Variants in SIPA1L1 observed in about 807,000 individuals in gnomAD.
SIPA1L1 encodes signal-induced proliferation-associated 1-like protein 1.
A neutral mutation model predicts 162.7 loss-of-function variants in SIPA1L1; 26 were observed. The observed-to-expected ratio is 0.16, with a 90% CI of 0.12 to 0.22. The LOEUF is 0.22. Ranked by LOEUF, SIPA1L1 falls within the 10% of genes least tolerant of loss-of-function variation. SIPA1L1 has a pLI of 1.00. For synonymous variants in SIPA1L1, 829 were observed against 837.4 expected, an observed-to-expected ratio of 0.99 and a Z score of 0.17; for missense variants, 1,874 against 2,241.0, an observed-to-expected ratio of 0.84 and a Z score of 3.31.
At chr14:71,496,250 C>T (rs907989992) in intron 2 of SIPA1L1, among the ~76,000 whole-genome samples, 1 of 152,096 alleles carries the variant, frequency 6.6e-6, no homozygotes, top group African/African-American at 2.4e-5. Flanking sequence ...AGGAGGATCA[C>T]TTGCACCAAG....
chr14:71,534,334 T>C (rs2053703440), intron 4 of SIPA1L1, among the ~76,000 whole-genome samples: 1 of 152,206 alleles, frequency 6.6e-6, no homozygotes, highest in Non-Finnish European at 1.5e-5. Context: ...AGTGGGAATT[T>C]AACAATACTT....
rs111236808 is a variant in SIPA1L1 at position 71,676,783 on chromosome 14, A to G, written c.3104+4161A>G. 1.3e-3 allele frequency among the ~76,000 whole-genome samples: 197 copies of G among 152,034 alleles called. 4 individuals are homozygous for G. The highest frequency in any genetic ancestry group is 4.2e-3 in the African/African-American group (175 of 41,436). On this transcript the variant is annotated intron_variant, in intron 12 of 23. Coordinates refer to ENST00000381232, the MANE Select transcript of SIPA1L1 (RefSeq NM_001386936.1). The stretch of plus-strand genomic sequence containing the variant: ...AGAATGATGGTTTCCAGCATCTTCT[A>G]TGTCCCTACAAAGGACATTAATTCA...
intron 20 of SIPA1L1, among the ~76,000 whole-genome samples, chr14:71,730,634 G>A (rs574868295): frequency 2.0e-5 from 3 of 152,346 alleles, no homozygotes; most frequent in African/African-American, 7.2e-5. Flanking sequence ...AGATTAGTTA[G>A]TTCTTAGAGA....
At chr14:71,476,451 AT>A (rs1046229203) in intron 2 of SIPA1L1, among the ~76,000 whole-genome samples, 50 of 152,344 alleles carry the variant, frequency 3.3e-4, no homozygotes, top group African/African-American at 1.2e-3. Context: ...ATCTCTAAAA[AT>A]ATTTTATAAG....
intron 7 of SIPA1L1, among the ~76,000 whole-genome samples, chr14:71,627,833 T>G (rs1004390514): frequency 6.6e-6 from 1 of 152,244 alleles, no homozygotes; most frequent in African/African-American, 2.4e-5. Flanking sequence ...GATATAAATT[T>G]GCATAATACA....
Position 71,434,605 on chromosome 14 carries a change from G to A in SIPA1L1, c.-464-78138G>A, listed in dbSNP as rs540790602. On this transcript the variant is annotated intron_variant, in intron 2 of 23. Transcript: ENST00000381232. ...TTTGTTTGGTTTTGTTTGAGACAGG[G>A]TCTTGCCTTGTTGCCCAGGCTGGAG... Among the ~76,000 whole-genome samples the A allele has an allele frequency of 2.6e-4, 40 of 152,220 alleles. 1 individual carries two copies. In the South Asian group the frequency reaches 4.8e-3, roughly 18 times the overall value.
At chr14:71,715,110 C>T (rs1246259531) in intron 17 of SIPA1L1, among the ~76,000 whole-genome samples, 5 of 152,152 alleles carry the variant, frequency 3.3e-5, no homozygotes, top group South Asian at 2.1e-4. Flanking sequence ...TTGACTATAA[C>T]GTGGTCATTT....
chr14:71,488,956 C>G (rs79387528), intron 2 of SIPA1L1, among the ~76,000 whole-genome samples: 1 of 152,282 alleles, frequency 6.6e-6, no homozygotes, highest in East Asian at 1.9e-4. Context: ...ATTCCAGGCT[C>G]CTCAGCTGCA....
At chr14:71,550,904 C>T (rs1031122080) in intron 4 of SIPA1L1, among the ~76,000 whole-genome samples, 2 of 152,106 alleles carry the variant, frequency 1.3e-5, no homozygotes, top group Non-Finnish European at 2.9e-5. Flanking sequence ...TAAAGATTAG[C>T]TGGGCATGGT....
intron 2 of SIPA1L1, among the ~76,000 whole-genome samples, chr14:71,492,389 G>T (rs1431101433): frequency 6.6e-6 from 1 of 152,126 alleles, no homozygotes; most frequent in Non-Finnish European, 1.5e-5. Flanking sequence ...GCCAGAAGTG[G>T]GGTTTACAGG....
chr14:71,711,488 G>GT (rs1299559084), intron 17 of SIPA1L1, among the ~76,000 whole-genome samples: 1 of 152,212 alleles, frequency 6.6e-6, no homozygotes, highest in Non-Finnish European at 1.5e-5. Flanking sequence ...AAAGGAGGAT[G>GT]CCTTTTTTTA....
intron 4 of SIPA1L1, among the ~76,000 whole-genome samples, chr14:71,545,167 T>A (rs1290116741): frequency 6.6e-6 from 1 of 152,218 alleles, no homozygotes; most frequent in Non-Finnish European, 1.5e-5. Flanking sequence ...GCCTCATTCT[T>A]GCCTTTTAAT....
intron 13 of SIPA1L1, among the ~76,000 whole-genome samples, chr14:71,690,814 G>T (rs2081200246): frequency 6.6e-6 from 1 of 152,096 alleles, no homozygotes; most frequent in South Asian, 2.1e-4. Context: ...TCTGTATGTG[G>T]GCAGTTCCTT....
chr14:71,650,139 C>G lies in SIPA1L1; in HGVS notation c.1819-196C>G, dbSNP rs1218512457. ...GGAAATTTTCATTTATTTTTCTGGC[C>G]TTTTCTCAGTTCATGAAGTTCGTAG... On this transcript the variant is annotated intron_variant, in intron 7 of 23. Coordinates refer to ENST00000381232, the MANE Select transcript of SIPA1L1 (RefSeq NM_001386936.1). Among the ~76,000 whole-genome samples the G allele has an allele frequency of 3.9e-5, 6 of 152,108 alleles. No individual in the cohort carries two copies. The East Asian group carries it at 1.2e-3, about 29-fold the overall frequency.
rs573406634 is a variant in SIPA1L1 at position 71,546,165 on chromosome 14, G to A, written c.-303+16795G>A. 2.0e-5 allele frequency among the ~76,000 whole-genome samples: 3 copies of A among 151,958 alleles called. No individual in the cohort carries two copies. The East Asian group carries it at 5.8e-4, about 29-fold the overall frequency. On this transcript the variant is annotated intron_variant, in intron 4 of 23. Coordinates refer to ENST00000381232, the MANE Select transcript of SIPA1L1 (RefSeq NM_001386936.1). ...TCTGCTTTTAAAGCCCTATAATTTT[G>A]TGAGCTCCTATTTTTTAAGTTCACA... is the stretch of plus-strand genomic sequence containing the variant.
chr14:71,708,337 T>TTTA (rs2082628943), intron 16 of SIPA1L1, among the ~76,000 whole-genome samples: 1 of 150,914 alleles, frequency 6.6e-6, no homozygotes. Context: ...TTTTTTTTTT[T>TTTA]GAGACAGGGT....
Position 71,587,677 on chromosome 14 carries a change from G to T in SIPA1L1, c.-196G>T. ...AAAGTGAAGCAAAGAAACTGTTGTG[G>T]ATTATAACGTTTAGAAGTTCCAATT... On this transcript the variant is annotated 5_prime_UTR_variant, in exon 5 of 24. Coordinates refer to ENST00000381232, the MANE Select transcript of SIPA1L1 (RefSeq NM_001386936.1). 3.7e-6 allele frequency: 2 copies of T among 547,390 alleles called. No homozygotes were observed. The highest frequency in any genetic ancestry group is 6.4e-6 in the Non-Finnish European group (2 of 314,876). The allele number at this position is 547,390 out of a possible 1,614,324, so 33.9% of individuals were successfully genotyped here.
chr14:71,606,250 A>T (rs536453555), intron 5 of SIPA1L1, among the ~76,000 whole-genome samples: 6 of 152,152 alleles, frequency 3.9e-5, no homozygotes, highest in Admixed American at 1.3e-4. Context: ...GCAGCCCACA[A>T]CAAAGGCACC....
chr14:71,655,658 C>A (rs2042991902), intron 8 of SIPA1L1, among the ~76,000 whole-genome samples: 1 of 152,128 alleles, frequency 6.6e-6, no homozygotes, highest in Admixed American at 6.6e-5. Flanking sequence ...TGAATGATAG[C>A]CATTCTGTCT....
Sources: gnomAD v4.1 joint callset for allele counts (sites outside exome capture counted in the v4.1 genomes callset) on GRCh38, gnomAD v4.1.1 for gene constraint, MANE v1.5 for transcripts, NCBI Gene and HGNC (gene_info 2026-07-23, HGNC 2026-07-21) for gene names.